Variants in MROH1 observed in about 807,000 individuals in gnomAD.
The protein encoded by MROH1 is maestro heat like repeat family member 1, also known as maestro heat-like repeat-containing protein family member 1.
Under a neutral mutation model 116.5 loss-of-function variants are expected in MROH1, and 117 were observed. The observed-to-expected ratio is 1.00, with a 90% CI of 0.86 to 1.17. MROH1 has a LOEUF of 1.17. MROH1 is among the 50% of genes most tolerant of loss of function. MROH1 has a pLI of 0.00. For missense variants in MROH1, 1,873 were observed against 1,338.5 expected (o/e 1.40, Z -6.23); for synonymous variants, 921 against 583.9 (o/e 1.58, Z -8.32).
At position 144,243,577 on chromosome 8, in the gene MROH1, C is replaced by G. The variant is rs1841382266; in HGVS notation, c.2436C>G (p.Phe812Leu). ...GCAGCAGCACCCAGGCTGGCTCCTT[C>G]CACTTCACCCGGAAAGCAGAGCTGG... ...AICSSTQAGS[F>L]HFTRKAELVA... Residue 812 changes from phenylalanine to leucine, a missense_variant, in exon 25 of 44, where the codon TTC becomes TTG. Phe to Leu is a conservative substitution (Grantham distance 22). Transcript: ENST00000326134. 3 of 780,156 alleles carry G rather than the reference C, an allele frequency of 3.8e-6. No individual in the cohort carries two copies. Among genetic ancestry groups the G allele is most frequent in the Non-Finnish European group, 7.2e-6 (3 of 417,832 alleles). 48.3% of individuals were successfully genotyped at this position (780,156 alleles called of 1,614,324 possible).
At chr8:144,209,027 T>TTGTGTGTG (rs71320812) in intron 12 of MROH1, among the ~76,000 whole-genome samples, 1,556 of 141,692 alleles carry the variant, frequency 0.011, 53 homozygotes, top group African/African-American at 0.04. Context: ...CTCGGCCATT[T>TTGTGTGTG]TGTGTGTGTG....
At chr8:144,198,170 T>A (rs1830371151) in intron 10 of MROH1, among the ~76,000 whole-genome samples, 1 of 151,932 alleles carries the variant, frequency 6.6e-6, no homozygotes, top group Non-Finnish European at 1.5e-5. Flanking sequence ...GGAACCCAGG[T>A]TGGGGTGTGG....
At chr8:144,206,256 C>G (rs1256296906) in intron 12 of MROH1, among the ~76,000 whole-genome samples, 1 of 152,116 alleles carries the variant, frequency 6.6e-6, no homozygotes, top group Non-Finnish European at 1.5e-5. Flanking sequence ...CTGTTGAGTT[C>G]CATGTAGATG....
At chr8:144,168,736 A>G (rs1821654635) in intron 4 of MROH1, among the ~76,000 whole-genome samples, 1 of 152,108 alleles carries the variant, frequency 6.6e-6, no homozygotes, top group Non-Finnish European at 1.5e-5. Context: ...CTGTGTGCCT[A>G]GTGCCTGAGG....
At chr8:144,250,448 G>A (rs1405164652) in intron 33 of MROH1, 82 bp downstream of exon 33, 30 of 704,208 alleles carry the variant, frequency 4.3e-5, no homozygotes, top group Middle Eastern at 2.7e-4. Context: ...CCCTCCACCC[G>A]GCTCTGCACC....
At position 144,241,378 on chromosome 8, in the gene MROH1, A is replaced by C; in HGVS notation, c.2056-17A>C. 1 of 767,346 alleles carries C rather than the reference A, an allele frequency of 1.3e-6. No individual in the cohort carries two copies. Among genetic ancestry groups the C allele is most frequent in the Non-Finnish European group, 2.4e-6 (1 of 412,256 alleles). 47.5% of individuals were successfully genotyped at this position (767,346 alleles called of 1,614,324 possible). A position where few individuals can be genotyped will look rare whatever the true frequency, so the allele number is the denominator to read the frequency against. ...TGCGTGCTCTTCCCTGCCCGGGGTA[A>C]GTGTGCTGCCCCCCAGGGCCTCGCC... On this transcript the variant is annotated splice_polypyrimidine_tract_variant and intron_variant, in intron 21 of 43. Transcript: ENST00000326134.
At chr8:144,211,726 CA>C (rs74429626) in intron 12 of MROH1, among the ~76,000 whole-genome samples, 316 of 114,672 alleles carry the variant, frequency 2.8e-3, no homozygotes, top group Middle Eastern at 4.9e-3. Context: ...AATTCCATCT[CA>C]AAAAAAAAAA....
rs1374392908 is a variant in MROH1, at chr8:144,200,528, C to T, written c.1128C>T (p.Val376=). The T allele has an allele frequency of 4.5e-6, 7 of 1,550,650 alleles. No individual in the cohort carries two copies. The highest frequency in any genetic ancestry group is 1.4e-5 in the African/African-American group (1 of 73,072). The part of the protein sequence containing the change: ...RVGTLQVVRH[V]INSAAAQMED... Reference sequence around the variant, plus strand: ...GCACCCTGCAGGTGGTCAGACATGTCATCAACTCAGCTGGTGAGTGCCTCC... The same window carrying T: ...GCACCCTGCAGGTGGTCAGACATGTTATCAACTCAGCTGGTGAGTGCCTCC... The change falls in exon 12 of 44, where the codon GTC becomes GTT. Residue 376 remains valine, a synonymous_variant. Coordinates refer to ENST00000326134, the MANE Select transcript of MROH1 (RefSeq NM_032450.3).
rs917397344 is a variant in MROH1 at position 144,251,226 on chromosome 8, G to C, written c.3428+860G>C. The C allele has an allele frequency of 1.9e-3, 297 of 154,258 alleles. 1 individual carries two copies. Among genetic ancestry groups the C allele is most frequent in the Non-Finnish European group, 2.7e-3 (186 of 69,354 alleles). The allele number at this position is 154,258 out of a possible 1,614,324, so 9.6% of individuals were successfully genotyped here. A position where few individuals can be genotyped will look rare whatever the true frequency, so the allele number is the denominator to read the frequency against. ...CAATGCCCACTTCCTCCTGGCAGGG[G>C]GGACCCGCAGGCACCTTCTGCTCAG... On this transcript the variant is annotated intron_variant, in intron 33 of 43. Transcript: ENST00000326134.
In MROH1 at chr8:144,163,854, T is replaced by C. The variant is rs778753928; in HGVS notation, c.22+6T>C. Reference sequence around the variant, plus strand: ...GACTGAGTCCTCCATGAAGAGTGAGTGCATGGGGATTGGGAGTGGCCGGGT... The same window carrying C: ...GACTGAGTCCTCCATGAAGAGTGAGCGCATGGGGATTGGGAGTGGCCGGGT... On this transcript the variant is annotated splice_donor_region_variant and intron_variant, in intron 3 of 43. Transcript: ENST00000326134. This position sits in a 1 kb window ranked among gnomAD's most constrained non-coding sequence, Gnocchi z 4.4. 2 of 1,613,142 alleles carry C rather than the reference T, an allele frequency of 1.2e-6. No homozygotes were observed. The highest frequency in any genetic ancestry group is 1.7e-6 in the Non-Finnish European group (2 of 1,179,582).
chr8:144,237,802 C>T (rs1840301127), intron 14 of MROH1, among the ~76,000 whole-genome samples: 2 of 152,092 alleles, frequency 1.3e-5, no homozygotes, highest in Admixed American at 6.6e-5. Flanking sequence ...TTCCCTGTTG[C>T]GGTACTTTTG....
chr8:144,158,479 G>GT (rs1414679460), intron 1 of MROH1, among the ~76,000 whole-genome samples: 1 of 152,128 alleles, frequency 6.6e-6, no homozygotes, highest in Non-Finnish European at 1.5e-5. Flanking sequence ...CACATTCTCT[G>GT]TATACTTTAA....
chr8:144,227,652 C>A (rs560921200), intron 14 of MROH1, among the ~76,000 whole-genome samples: 4 of 148,498 alleles, frequency 2.7e-5, no homozygotes, highest in South Asian at 4.3e-4. Context: ...CACACACACA[C>A]AAAAAGTTGA....
intron 4 of MROH1, among the ~76,000 whole-genome samples, chr8:144,176,929 A>T (rs916971770): frequency 2.6e-5 from 4 of 151,944 alleles, no homozygotes; most frequent in African/African-American, 9.7e-5. Context: ...CGGTGGGTGG[A>T]GGTGGCTGGT....
At chr8:144,191,926 A>G in intron 9 of MROH1, 71 bp downstream of exon 9, 1 of 1,574,232 alleles carries the variant, frequency 6.4e-7, no homozygotes, top group Non-Finnish European at 8.6e-7. Context: ...GGTGGCCGTG[A>G]GTCCTCGGCT....
intron 4 of MROH1, among the ~76,000 whole-genome samples, chr8:144,173,981 G>A (rs1439992129): frequency 6.6e-6 from 1 of 152,118 alleles, no homozygotes; most frequent in Non-Finnish European, 1.5e-5. Context: ...AGGAAGGACA[G>A]GTCATGTTCC....
chr8:144,241,551 C>T, intron 22 of MROH1, 34 bp downstream of exon 22: 2 of 777,194 alleles, frequency 2.6e-6, no homozygotes, highest in East Asian at 4.9e-5. Context: ...CTGGGGACGG[C>T]TGTCTATCCA....
chr8:144,169,597 G>A (rs1821924574), intron 4 of MROH1, among the ~76,000 whole-genome samples: 1 of 150,150 alleles, frequency 6.7e-6, no homozygotes. Context: ...GACTACAGGT[G>A]TGCACCACCA....
intron 2 of MROH1, among the ~76,000 whole-genome samples, chr8:144,161,961 G>T (rs990039566): frequency 6.6e-6 from 1 of 152,220 alleles, no homozygotes; most frequent in Admixed American, 6.5e-5. Context: ...TTGTCTCTGG[G>T]AAGTATGTGC....
Sources: allele counts gnomAD v4.1 joint callset (sites outside exome capture counted in the v4.1 genomes callset), GRCh38; gene constraint gnomAD v4.1.1; non-coding constraint Gnocchi (gnomAD v3.1); transcripts MANE v1.5; gene names NCBI Gene and HGNC (gene_info 2026-07-23, HGNC 2026-07-21).